Variants in CDHR3 observed in about 807,000 individuals in gnomAD.
The protein encoded by CDHR3 is cadherin related family member 3.
Under a neutral mutation model 86.6 loss-of-function variants are expected in CDHR3, and 79 were observed. That is an observed-to-expected ratio of 0.91 (90% CI 0.76 to 1.10). The LOEUF is 1.10. Ranked by LOEUF, CDHR3 falls within the 50% of genes least tolerant of loss-of-function variation. The probability of loss-of-function intolerance (pLI) is 0.00; values close to 1 mark genes in which losing one functional copy is unlikely to be tolerated. For missense variants in CDHR3, 1,081 were observed against 1,077.6 expected (o/e 1.00, Z -0.04); for synonymous variants, 421 against 402.4 (o/e 1.05, Z -0.55).
In CDHR3 at chr7:106,018,063, C is replaced by T; in HGVS notation, c.1644C>T (p.Ser548=). ...RIQATNNEDT[S]SVTVTVNILE... is the part of the protein sequence containing the mutation. ...AGGCCACCAACAACGAAGACACAAG[C>T]TCTGTCACTGTGAGTGGTGCTGCTT... The change falls in exon 12 of 19, where the codon AGC becomes AGT. Residue 548 remains serine, a synonymous_variant. Transcript: ENST00000317716. The T allele has an allele frequency of 6.2e-7, 1 of 1,613,462 alleles. No homozygotes were observed. The highest frequency in any genetic ancestry group is 1.1e-5 in the South Asian group (1 of 91,006).
At chr7:105,974,459 C>T (rs1354301282) in intron 1 of CDHR3, among the ~76,000 whole-genome samples, 1 of 152,182 alleles carries the variant, frequency 6.6e-6, no homozygotes, top group Non-Finnish European at 1.5e-5. Flanking sequence ...CTACAGGGCC[C>T]TGGCAAGAGA....
At chr7:106,005,927 G>A (rs1044949835) in intron 8 of CDHR3, among the ~76,000 whole-genome samples, 6 of 152,142 alleles carry the variant, frequency 3.9e-5, no homozygotes, top group Non-Finnish European at 7.3e-5. Flanking sequence ...GATGGATACC[G>A]TATTAGACTG....
intron 12 of CDHR3, among the ~76,000 whole-genome samples, chr7:106,020,082 G>GCA (rs1836327655): frequency 6.6e-6 from 1 of 152,084 alleles, no homozygotes; most frequent in African/African-American, 2.4e-5. Flanking sequence ...CACTAAATGT[G>GCA]CACACACACA....
At chr7:105,975,726 AG>A (rs1205219627) in intron 2 of CDHR3, among the ~76,000 whole-genome samples, 1 of 152,142 alleles carries the variant, frequency 6.6e-6, no homozygotes, top group African/African-American at 2.4e-5. Flanking sequence ...AGGTGTCTTT[AG>A]GGTCCCATGT....
chr7:105,974,507 G>A (rs1006135141), intron 1 of CDHR3, among the ~76,000 whole-genome samples: 3 of 116,970 alleles, frequency 2.6e-5, no homozygotes, highest in Non-Finnish European at 4.0e-5. Flanking sequence ...TTAGGCGGAT[G>A]TCTGTCTCCT....
intron 12 of CDHR3, among the ~76,000 whole-genome samples, chr7:106,018,755 G>A (rs979680151): frequency 6.6e-6 from 1 of 152,072 alleles, no homozygotes; most frequent in Non-Finnish European, 1.5e-5. Flanking sequence ...TCCTCCCCAG[G>A]AGCAGTTATG....
intron 8 of CDHR3, among the ~76,000 whole-genome samples, chr7:106,007,688 G>C (rs758099615): frequency 1.3e-5 from 2 of 152,156 alleles, no homozygotes; most frequent in Non-Finnish European, 2.9e-5. Context: ...ACAGCATTTT[G>C]GTCAAAGCCA....
At chr7:106,014,562 A>G (rs1362190182) in intron 9 of CDHR3, among the ~76,000 whole-genome samples, 1 of 152,212 alleles carries the variant, frequency 6.6e-6, no homozygotes, top group African/African-American at 2.4e-5. Flanking sequence ...TTGAGGCTGC[A>G]GTGAGCTATG....
At chr7:106,011,905 T>C (rs1440977758) in intron 8 of CDHR3, among the ~76,000 whole-genome samples, 1 of 152,208 alleles carries the variant, frequency 6.6e-6, no homozygotes, top group African/African-American at 2.4e-5. Flanking sequence ...AAATCTCTTT[T>C]GGATGAATAA....
At chr7:105,998,970 ATGCACACCT>A (rs1832699910) in intron 6 of CDHR3, among the ~76,000 whole-genome samples, 1 of 152,132 alleles carries the variant, frequency 6.6e-6, no homozygotes, top group Admixed American at 6.5e-5. Flanking sequence ...TGGCAGTGTC[ATGCACACCT>A]TGGGCACTTA....
At chr7:105,968,168 T>C (rs987034666) in intron 1 of CDHR3, among the ~76,000 whole-genome samples, 2 of 152,172 alleles carry the variant, frequency 1.3e-5, no homozygotes, top group African/African-American at 4.8e-5. Context: ...GGCTCTTTTC[T>C]GTTAATCTTG....
intron 8 of CDHR3, among the ~76,000 whole-genome samples, chr7:106,008,325 T>G (rs369546718): frequency 3.9e-5 from 6 of 152,280 alleles, no homozygotes; most frequent in African/African-American, 1.4e-4. Context: ...ATCCCTTCCC[T>G]GCCTGAAGAT....
chr7:106,023,588 G>C (rs1284481764), intron 14 of CDHR3, among the ~76,000 whole-genome samples: 1 of 152,034 alleles, frequency 6.6e-6, no homozygotes, highest in Non-Finnish European at 1.5e-5. Context: ...CTGCACCCCT[G>C]GTCAGCAGCC....
intron 12 of CDHR3, among the ~76,000 whole-genome samples, chr7:106,020,101 G>T (rs546676448): frequency 4.6e-5 from 7 of 152,300 alleles, no homozygotes; most frequent in South Asian, 2.1e-4. Flanking sequence ...CATGCATATG[G>T]TGTAGAAGTT....
chr7:105,968,580 C>A (rs1827358328), intron 1 of CDHR3, among the ~76,000 whole-genome samples: 1 of 152,092 alleles, frequency 6.6e-6, no homozygotes, highest in African/African-American at 2.4e-5. Flanking sequence ...AGGCTAGTCT[C>A]AAACTCCGGA....
chr7:106,003,132 T>TC (rs1833451648), intron 7 of CDHR3, among the ~76,000 whole-genome samples: 1 of 66,248 alleles, frequency 1.5e-5, no homozygotes, highest in Admixed American at 1.5e-4. Context: ...AAAACCTGTC[T>TC]CAAAAAAAAA....
chr7:105,991,896 C>T (rs1417225457), intron 4 of CDHR3, among the ~76,000 whole-genome samples: 4 of 152,120 alleles, frequency 2.6e-5, no homozygotes, highest in South Asian at 2.1e-4. Flanking sequence ...TATGATAACC[C>T]GTGGGGCATG....
intron 1 of CDHR3, among the ~76,000 whole-genome samples, chr7:105,967,258 A>G (rs936241574): frequency 1.3e-5 from 2 of 152,146 alleles, no homozygotes; most frequent in African/African-American, 2.4e-5. Flanking sequence ...TTCCAGCTTC[A>G]TCCATGTCCC....
At chr7:105,999,588 C>T (rs1428539917) in intron 6 of CDHR3, among the ~76,000 whole-genome samples, 5 of 152,182 alleles carry the variant, frequency 3.3e-5, no homozygotes. Context: ...CCCCCGGCCC[C>T]CCAGCTGAGA....
Sources: gnomAD v4.1 joint callset for allele counts (sites outside exome capture counted in the v4.1 genomes callset) on GRCh38, gnomAD v4.1.1 for gene constraint, MANE v1.5 for transcripts, NCBI Gene and HGNC (gene_info 2026-07-23, HGNC 2026-07-21) for gene names.